The following SOX6 variants were observed in gnomAD, a reference collection of about 807,000 sequenced individuals.
SOX6 encodes SRY-box transcription factor 6.
In SOX6, 11 loss-of-function variants were observed where a neutral mutation model predicts 97.8. That is an observed-to-expected ratio of 0.11 (90% CI 0.07 to 0.19). The LOEUF (loss-of-function observed/expected upper bound fraction) is 0.19. Among genes scored for constraint, SOX6 ranks in the 10% least tolerant of loss-of-function variants. SOX6 has a pLI of 1.00. For missense variants in SOX6, 810 were observed against 1,039.5 expected (o/e 0.78, Z 3.04); for synonymous variants, 360 against 371.4 (o/e 0.97, Z 0.35).
At chr11:16,485,971 G>A (rs1184345843) in intron 4 of SOX6, among the ~76,000 whole-genome samples, 119 of 8,090 alleles carry the variant, frequency 0.015, no homozygotes, top group Non-Finnish European at 0.029. Context: ...GGGAGGGGAG[G>A]GGAGGGGAGG....
chr11:16,626,864 GGT>G (rs545965342), intron 3 of SOX6, among the ~76,000 whole-genome samples: 40 of 152,212 alleles, frequency 2.6e-4, no homozygotes, highest in African/African-American at 9.6e-4. Context: ...TACATGTGCA[GGT>G]GTGTTACCTG....
chr11:16,581,981 G>C (rs1328639757), intron 4 of SOX6, among the ~76,000 whole-genome samples: 3 of 148,418 alleles, frequency 2.0e-5, no homozygotes, highest in Admixed American at 6.7e-5. Flanking sequence ...AAAAAAAGAA[G>C]AAGAAGAATG....
intron 6 of SOX6, among the ~76,000 whole-genome samples, chr11:16,137,871 C>T (rs971840474): frequency 6.6e-5 from 10 of 152,134 alleles, no homozygotes; most frequent in Admixed American, 2.0e-4. Context: ...TCCCCCTTCG[C>T]TGGGCACTCA....
chr11:16,374,162 T>C (rs1223463565), intron 1 of SOX6, among the ~76,000 whole-genome samples: 1 of 152,106 alleles, frequency 6.6e-6, no homozygotes, highest in Non-Finnish European at 1.5e-5. Context: ...CTCTTCATTA[T>C]TCAGAACATC....
At chr11:16,393,493 A>C (rs1237617553) in intron 1 of SOX6, among the ~76,000 whole-genome samples, 1 of 152,138 alleles carries the variant, frequency 6.6e-6, no homozygotes, top group East Asian at 1.9e-4. Context: ...AATATCTTTT[A>C]AATGGGCACT....
rs77792458 is a variant in SOX6 at position 16,503,573 on chromosome 11, C to T, written n.610-27185G>A. Reference sequence around the variant, plus strand: ...TCATGTCACCTGTGAAGACACAGAGCGACTGAAAGTAAAGGAATGGAAAAG... The same window carrying T: ...TCATGTCACCTGTGAAGACACAGAGTGACTGAAAGTAAAGGAATGGAAAAG... On this transcript the variant is annotated intron_variant and non_coding_transcript_variant, in intron 4 of 5. Coordinates refer to the SOX6 transcript ENST00000524520. Among the ~76,000 whole-genome samples the T allele has an allele frequency of 1.6e-3, 242 of 151,960 alleles. 1 individual carries two copies. The East Asian group carries it at 0.044, about 28-fold the overall frequency.
intron 3 of SOX6, among the ~76,000 whole-genome samples, chr11:16,307,062 G>C (rs1334727740): frequency 6.6e-6 from 1 of 152,168 alleles, no homozygotes; most frequent in Non-Finnish European, 1.5e-5. Flanking sequence ...AAGTGCAAAG[G>C]TCCTAAGACA....
intron 4 of SOX6, among the ~76,000 whole-genome samples, chr11:16,193,420 G>T (rs944310710): frequency 6.6e-6 from 1 of 151,958 alleles, no homozygotes; most frequent in Admixed American, 6.6e-5. Context: ...AACATACCAA[G>T]CCAAATAAAA....
chr11:16,577,992 C>G (rs970926041), intron 4 of SOX6, among the ~76,000 whole-genome samples: 3 of 152,074 alleles, frequency 2.0e-5, no homozygotes, highest in Non-Finnish European at 4.4e-5. Context: ...AAACTATTGC[C>G]TATCCAAGAT....
intron 13 of SOX6, among the ~76,000 whole-genome samples, chr11:16,002,303 G>A (rs954653614): frequency 3.3e-5 from 5 of 152,180 alleles, no homozygotes; most frequent in East Asian, 1.9e-4. Flanking sequence ...CATGTGGCTC[G>A]TGGCTTTGCA....
intron 1 of SOX6, among the ~76,000 whole-genome samples, chr11:16,471,488 T>C (rs1043058413): frequency 6.6e-6 from 1 of 152,150 alleles, no homozygotes; most frequent in Non-Finnish European, 1.5e-5. Flanking sequence ...AACCTTCCCA[T>C]GGCCATGAGG....
chr11:16,701,851 G>GCACT (rs1848097133), intron 3 of SOX6, among the ~76,000 whole-genome samples: 1 of 150,926 alleles, frequency 6.6e-6, no homozygotes, highest in African/African-American at 2.4e-5. Context: ...CCGAAATTGC[G>GCACT]CCACTGCACT....
chr11:16,523,609 AG>A (rs1861106817), intron 4 of SOX6, among the ~76,000 whole-genome samples: 1 of 152,184 alleles, frequency 6.6e-6, no homozygotes, highest in Non-Finnish European at 1.5e-5. Flanking sequence ...AAAAGCTAGC[AG>A]AAGGCAAGAA....
intron 4 of SOX6, among the ~76,000 whole-genome samples, chr11:16,491,758 AG>A (rs1198262753): frequency 2.6e-5 from 4 of 152,194 alleles, no homozygotes; most frequent in Non-Finnish European, 5.9e-5. Context: ...AAAACTAAGC[AG>A]GTATATGTTT....
At chr11:16,095,914 T>TA (rs5789938) in intron 9 of SOX6, 82 bp downstream of exon 9, 66,680 of 1,231,742 alleles carry the variant, frequency 0.054, 491 homozygotes, top group East Asian at 0.2. Flanking sequence ...TTTGCCACTT[T>TA]AAAAAAAAAA....
chr11:16,476,780 G>A (rs1159014108), upstream of SOX6, among the ~76,000 whole-genome samples: 1 of 152,194 alleles, frequency 6.6e-6, no homozygotes, highest in Non-Finnish European at 1.5e-5. Context: ...TCTTAAATGT[G>A]CCTGACAGGA....
chr11:16,366,344 T>C (rs896415243), intron 1 of SOX6, among the ~76,000 whole-genome samples: 11 of 152,156 alleles, frequency 7.2e-5, no homozygotes, highest in Non-Finnish European at 1.6e-4. Flanking sequence ...GTTATAAAAT[T>C]ATCTACATGC....
intron 6 of SOX6, among the ~76,000 whole-genome samples, chr11:16,132,386 G>GAAAGAAAT (rs1849799809): frequency 1.3e-5 from 1 of 79,482 alleles, no homozygotes; most frequent in Non-Finnish European, 2.3e-5. Flanking sequence ...AAGAAAGAAA[G>GAAAGAAAT]AAAGAAAGAA....
chr11:16,072,010 C>CA (rs1848237683), intron 9 of SOX6, among the ~76,000 whole-genome samples: 5 of 152,168 alleles, frequency 3.3e-5, no homozygotes, highest in Admixed American at 3.3e-4. Context: ...AGAACTCTGG[C>CA]AACTCAAAAA....
Sources: allele counts gnomAD v4.1 joint callset (sites outside exome capture counted in the v4.1 genomes callset), GRCh38; gene constraint gnomAD v4.1.1; transcripts MANE v1.5; gene names NCBI Gene and HGNC (gene_info 2026-07-23, HGNC 2026-07-21).